MYO7A: variants seen among roughly 807,000 people sequenced by gnomAD.
MYO7A encodes the protein unconventional myosin-VIIa.
In MYO7A, 210 loss-of-function variants were observed where a neutral mutation model predicts 263.8. The ratio of observed to expected loss-of-function variants is 0.80; its 90% CI spans 0.71 to 0.89. The LOEUF is 0.89. MYO7A is among the 40% of genes least tolerant of loss of function. The pLI, the probability that MYO7A is intolerant of heterozygous loss-of-function variation, is 0.00. For synonymous variants in MYO7A, 1,239 were observed against 1,197.3 expected, an observed-to-expected ratio of 1.03 and a Z score of -0.72; for missense variants, 2,820 against 2,968.3, an observed-to-expected ratio of 0.95 and a Z score of 1.16.
intron 4 of MYO7A, among the ~76,000 whole-genome samples, chr11:77,153,800 C>G (rs1435335736): frequency 2.0e-5 from 3 of 152,188 alleles, no homozygotes; most frequent in Admixed American, 1.3e-4. Context: ...CTCTCCCTCC[C>G]CTACACCCCT....
rs754317303 is a variant in MYO7A, at chr11:77,214,639, C to T, written c.6591C>T (p.Tyr2197=). 8 of 1,589,390 alleles carry T rather than the reference C, an allele frequency of 5.0e-6. No homozygotes were observed. The highest frequency in any genetic ancestry group is 6.0e-6 in the Non-Finnish European group (7 of 1,167,954). ...GYKMDDLLTS[Y]ISQMLTAMSK... The stretch of plus-strand genomic sequence containing the variant: ...AGATGGATGACCTCCTGACTTCCTA[C>T]ATTAGCCAGATGCTCACAGCCATGA... The change falls in exon 49 of 49, where the codon TAC becomes TAT. Residue 2197 remains tyrosine, a synonymous_variant. Coordinates refer to ENST00000409709, the MANE Select transcript of MYO7A (RefSeq NM_000260.4).
At chr11:77,160,068 T>A (rs1555067316) in intron 10 of MYO7A, 95 bp from the exon 11 acceptor site, 1 of 1,483,354 alleles carries the variant, frequency 6.7e-7, no homozygotes, top group African/African-American at 1.4e-5. Flanking sequence ...GGCAGTGGTC[T>A]GGGCCAGGCC....
chr11:77,156,045 T>C lies in MYO7A; in HGVS notation c.424T>C (p.Tyr142His). The stretch of plus-strand genomic sequence containing the variant: ...CATCTTTGCCATTGCTGACAACTGC[T>C]ACTTCAACATGAAACGCAACAGCCG... ...PHIFAIADNC[Y>H]FNMKRNSRDQ... The change falls in exon 5 of 49, where the codon TAC becomes CAC. Residue 142 changes from tyrosine (Y) to histidine (H), a missense_variant. Coordinates refer to ENST00000409709, the MANE Select transcript of MYO7A (RefSeq NM_000260.4). The C allele has an allele frequency of 1.9e-6, 3 of 1,613,972 alleles. No homozygotes were observed. The highest frequency in any genetic ancestry group is 1.1e-5 in the South Asian group (1 of 91,060).
chr11:77,142,433 G>C, intron 2 of MYO7A: 1 of 369,366 alleles, frequency 2.7e-6, no homozygotes, highest in Non-Finnish European at 5.3e-6. Context: ...GGAGAGCTGG[G>C]CTTTGAGAGG....
Position 77,194,393 on chromosome 11 carries a change from G to C in MYO7A, c.4192G>C (p.Val1398Leu). The change falls in exon 32 of 49, where the codon GTA (valine) becomes CTA (leucine). Residue 1398 changes from valine to leucine, a missense_variant. By Grantham distance (32) the Val-to-Leu change is conservative. Coordinates refer to ENST00000409709, the MANE Select transcript of MYO7A (RefSeq NM_000260.4). Reference protein sequence around the residue: ...LAELASQQYFVDYGSEMILER... With the variant: ...LAELASQQYFLDYGSEMILER... ...TGAGCTGGCCTCCCAGCAGTACTTT[G>C]TAGACTATGGCTCTGAGATGATCCT... is the stretch of plus-strand genomic sequence containing the variant. 3 of 1,612,880 alleles carry C rather than the reference G, an allele frequency of 1.9e-6. No homozygotes were observed. The highest frequency in any genetic ancestry group is 2.5e-6 in the Non-Finnish European group (3 of 1,179,440).
At chr11:77,160,857 C>T (rs2135285744) in intron 11 of MYO7A, 116 bp from the exon 12 acceptor site, 2 of 1,232,530 alleles carry the variant, frequency 1.6e-6, no homozygotes, top group East Asian at 5.1e-5. Flanking sequence ...TTGGGGGTTT[C>T]ACACGGCACT....
At chr11:77,187,551 G>T (rs983877377) in intron 27 of MYO7A, among the ~76,000 whole-genome samples, 1 of 152,102 alleles carries the variant, frequency 6.6e-6, no homozygotes, top group Non-Finnish European at 1.5e-5. Flanking sequence ...CTAGGCCCAC[G>T]GTTAAGGTTA....
intron 27 of MYO7A, among the ~76,000 whole-genome samples, chr11:77,186,096 T>C (rs1334326714): frequency 1.4e-5 from 2 of 139,956 alleles, no homozygotes; most frequent in Non-Finnish European, 3.0e-5. Flanking sequence ...CTAATTTTTG[T>C]ATTTTTAGTA....
intron 41 of MYO7A, 185 bp from the exon 42 acceptor site, chr11:77,207,104 G>T (rs944927824): frequency 7.9e-5 from 42 of 529,044 alleles, no homozygotes; most frequent in African/African-American, 7.8e-4. Context: ...GGGAGGAGGA[G>T]ACCTGGGAAG....
intron 32 of MYO7A, among the ~76,000 whole-genome samples, chr11:77,195,134 G>A (rs138014796): frequency 2.6e-5 from 4 of 152,140 alleles, no homozygotes; most frequent in African/African-American, 9.6e-5. Flanking sequence ...ATAGTCTGAG[G>A]GCACCACAGA....
chr11:77,152,598 CA>C (rs1379012195), intron 4 of MYO7A, among the ~76,000 whole-genome samples: 1 of 151,988 alleles, frequency 6.6e-6, no homozygotes, highest in African/African-American at 2.4e-5. Flanking sequence ...GAAAGATGTC[CA>C]GGGGAGGTGA....
At chr11:77,158,073 GAGTTCCTGGGAAGCCC>G (rs2135253867) in intron 8 of MYO7A, among the ~76,000 whole-genome samples, 188 bp from the exon 9 acceptor site, 1 of 152,242 alleles carries the variant, frequency 6.6e-6, no homozygotes, top group African/African-American at 2.4e-5. Context: ...TGTGGAGAAT[GAGTTCCTGGGAAGCCC>G]AGGCTTTCTA....
At chr11:77,187,837 G>T (rs563527080) in intron 27 of MYO7A, among the ~76,000 whole-genome samples, 2 of 152,316 alleles carry the variant, frequency 1.3e-5, no homozygotes, top group Admixed American at 6.5e-5. Flanking sequence ...TTCCTGATGG[G>T]GAAACTGAGG....
At chr11:77,134,925 C>A (rs1273076860) in intron 2 of MYO7A, among the ~76,000 whole-genome samples, 1 of 151,914 alleles carries the variant, frequency 6.6e-6, no homozygotes, top group Non-Finnish European at 1.5e-5. Flanking sequence ...CCTGGGATTA[C>A]AGGTCCCTGC....
chr11:77,141,448 G>A (rs1295371863), intron 2 of MYO7A, among the ~76,000 whole-genome samples: 2 of 151,918 alleles, frequency 1.3e-5, no homozygotes, highest in African/African-American at 4.9e-5. Context: ...TTTATAAGTT[G>A]TTACATTTTT....
At chr11:77,150,085 G>A (rs1374418116) in intron 4 of MYO7A, among the ~76,000 whole-genome samples, 1 of 152,202 alleles carries the variant, frequency 6.6e-6, no homozygotes, top group Non-Finnish European at 1.5e-5. Flanking sequence ...CTGCCTGCAG[G>A]GTACTTCCAG....
chr11:77,213,719 C>A, intron 47 of MYO7A, 141 bp from the exon 48 acceptor site: 1 of 1,215,616 alleles, frequency 8.2e-7, no homozygotes. Context: ...CTGCTTCCCA[C>A]CGCAGCTGGA....
At chr11:77,213,103 C>A in intron 47 of MYO7A, 68 bp downstream of exon 47, 1 of 1,279,950 alleles carries the variant, frequency 7.8e-7, no homozygotes. Flanking sequence ...GGTCCCAGAA[C>A]GAACCCCACA....
chr11:77,155,103 G>C (rs1952322429), intron 4 of MYO7A, among the ~76,000 whole-genome samples: 1 of 152,174 alleles, frequency 6.6e-6, no homozygotes, highest in Admixed American at 6.5e-5. Context: ...TGAGACGTGG[G>C]GTGGGAGGAG....
Sources: allele counts gnomAD v4.1 joint callset (sites outside exome capture counted in the v4.1 genomes callset), GRCh38; gene constraint gnomAD v4.1.1; transcripts MANE v1.5; gene names NCBI Gene and HGNC (gene_info 2026-07-23, HGNC 2026-07-21).